The following BMS1 variants were observed in gnomAD, a reference collection of about 807,000 sequenced individuals.
BMS1 encodes ribosome biogenesis protein BMS1 homolog.
In BMS1, 53 loss-of-function variants were observed where a neutral mutation model predicts 138.7. The ratio of observed to expected loss-of-function variants is 0.38; its 90% CI spans 0.31 to 0.48. The LOEUF is 0.48. BMS1 is among the 20% of genes least tolerant of loss of function. The probability of loss-of-function intolerance (pLI) is 0.97; values close to 1 mark genes in which losing one functional copy is unlikely to be tolerated. For synonymous variants in BMS1, 504 were observed against 539.9 expected, an observed-to-expected ratio of 0.93 and a Z score of 0.92; for missense variants, 1,360 against 1,565.5, an observed-to-expected ratio of 0.87 and a Z score of 2.22.
chr10:42,813,536 C>A (rs975354811), intron 13 of BMS1, among the ~76,000 whole-genome samples: 7 of 152,066 alleles, frequency 4.6e-5, no homozygotes, highest in African/African-American at 1.7e-4. Context: ...ACCTTTTCCG[C>A]TTGTATGAAT....
intron 13 of BMS1, among the ~76,000 whole-genome samples, chr10:42,814,879 TGG>T (rs1842296851): frequency 6.6e-6 from 1 of 152,070 alleles, no homozygotes. Context: ...TCCTTTGATC[TGG>T]GGGGACTGAG....
chr10:42,791,529 C>G (rs962462964), intron 5 of BMS1, 98 bp from the exon 6 acceptor site: 2 of 1,226,546 alleles, frequency 1.6e-6, no homozygotes, highest in African/African-American at 3.1e-5. Flanking sequence ...TGGAAGTCTC[C>G]CTTCTTAGGA....
intron 1 of BMS1, among the ~76,000 whole-genome samples, chr10:42,783,155 G>T (rs1841209865): frequency 6.6e-6 from 1 of 152,026 alleles, no homozygotes; most frequent in Non-Finnish European, 1.5e-5. Flanking sequence ...AGAAAGACAG[G>T]GAGAGAAACA....
rs12269000 is a variant in BMS1 at position 42,817,548 on chromosome 10, G to T, written c.2580+54G>T. The T allele has an allele frequency of 7.2e-4, 1,099 of 1,532,226 alleles. 4 individuals carry two copies. The African/African-American group carries it at 0.014, about 19-fold the overall frequency. 94.9% of individuals were successfully genotyped at this position (1,532,226 alleles called of 1,614,324 possible). A position where few individuals can be genotyped will look rare whatever the true frequency, so the allele number is the denominator to read the frequency against. ...TTGTCAAGACTATCATATAGCGCAG[G>T]AATCCCTGACTTTGTTTGGGTCCCT... On this transcript the variant is annotated intron_variant, in intron 15 of 22. Coordinates refer to ENST00000374518, the MANE Select transcript of BMS1 (RefSeq NM_014753.4).
At position 42,826,722 on chromosome 10, in the gene BMS1, C is replaced by G. The variant is rs111323463; in HGVS notation, c.3456+2938C>G. ...GGGACGTGGGGGTGCCATGTTGGCTCATCCCTGGCAGGTGTGGCTGCTCAG... is the reference window on the plus strand; with the variant it reads ...GGGACGTGGGGGTGCCATGTTGGCTGATCCCTGGCAGGTGTGGCTGCTCAG... On this transcript the variant is annotated intron_variant, in intron 21 of 22. Transcript: ENST00000374518. Among the ~76,000 whole-genome samples, 866 of 152,332 alleles carry G rather than the reference C, an allele frequency of 5.7e-3. 10 individuals carry two copies. Among genetic ancestry groups the G allele is most frequent in the African/African-American group, 0.019 (798 of 41,584 alleles).
intron 12 of BMS1, among the ~76,000 whole-genome samples, chr10:42,799,409 T>G (rs1841801079): frequency 6.6e-6 from 1 of 152,192 alleles, no homozygotes; most frequent in African/African-American, 2.4e-5. Context: ...GCCAGCCCCT[T>G]TCTCTCTATT....
chr10:42,827,190 C>T (rs1402434655), intron 21 of BMS1, among the ~76,000 whole-genome samples: 2 of 152,306 alleles, frequency 1.3e-5, no homozygotes, highest in East Asian at 1.9e-4. Context: ...CTTGCATACA[C>T]CTGTTTCCCC....
At position 42,830,310 on chromosome 10, in the gene BMS1, C is replaced by G. The variant is rs758696339; in HGVS notation, c.3506C>G (p.Ala1169Gly). The G allele has an allele frequency of 6.2e-7, 1 of 1,613,848 alleles. No individual in the cohort carries two copies. The highest frequency in any genetic ancestry group is 1.1e-5 in the South Asian group (1 of 90,986). The change falls in exon 22 of 23, where the codon GCC (alanine) becomes GGC (glycine). Residue 1169 changes from alanine (A) to glycine (G), a missense_variant. By Grantham distance (60) the Ala-to-Gly change is moderately conservative (BLOSUM62 0). Transcript: ENST00000374518. ...TTTAATTCACTGCACATTCCAAAAG[C>G]CTTGCAGAAGGCCCTGCCATTTAAG... ...KHFNSLHIPK[A>G]LQKALPFKNK...
In BMS1 at chr10:42,793,060, T is replaced by G. The variant is rs766791964; in HGVS notation, c.1005T>G (p.Val335=). ...GTTTAAATGAGAAGGAGAAGCTGGT[T>G]TATGCGCCTCTTTCTGGAGTTGGGG... ...KRCLNEKEKL[V]YAPLSGVGGV... Residue 335 remains valine, a synonymous_variant, in exon 8 of 23, where the codon GTT becomes GTG. Coordinates refer to ENST00000374518, the MANE Select transcript of BMS1 (RefSeq NM_014753.4). 10 of 1,613,956 alleles carry G rather than the reference T, an allele frequency of 6.2e-6. No homozygotes were observed. Among genetic ancestry groups the G allele is most frequent in the Non-Finnish European group, 8.5e-6 (10 of 1,179,988 alleles).
At chr10:42,804,192 G>A (rs1342311773) in intron 13 of BMS1, among the ~76,000 whole-genome samples, 1 of 152,106 alleles carries the variant, frequency 6.6e-6, no homozygotes, top group Non-Finnish European at 1.5e-5. Context: ...TGCTATGAAT[G>A]TTTTTTAGAA....
At chr10:42,790,247 G>T in intron 4 of BMS1, 76 bp from the exon 5 acceptor site, 4 of 1,451,108 alleles carry the variant, frequency 2.8e-6, no homozygotes, top group Non-Finnish European at 3.8e-6. Flanking sequence ...GATTTTGCCC[G>T]TGGCCAGTTG....
chr10:42,802,784 ATATTT>A (rs1841909601), intron 13 of BMS1, among the ~76,000 whole-genome samples: 3 of 150,632 alleles, frequency 2.0e-5, no homozygotes, highest in African/African-American at 7.3e-5. Context: ...AAATTAAAAA[ATATTT>A]TATTTAAAAT....
At chr10:42,830,782 G>C (rs1842779529) in intron 22 of BMS1, 84 bp from the exon 23 acceptor site, 1 of 1,158,862 alleles carries the variant, frequency 8.6e-7, no homozygotes, top group African/African-American at 1.6e-5. Flanking sequence ...TTGGATCGTG[G>C]GTTGCCTCTA....
rs1315322346 is a variant in BMS1 at position 42,830,427 on chromosome 10, T to G, written c.3618+5T>G. 6.2e-7 allele frequency: 1 copy of G among 1,606,234 alleles called. No individual in the cohort carries two copies. The highest frequency in any genetic ancestry group is 1.7e-5 in the Admixed American group (1 of 57,222). The stretch of plus-strand genomic sequence containing the variant: ...CGCGAGCCTCATGAAAGAAAGGTAC[T>G]GTTGCCCATGCTGTACTGCACGCTG... On this transcript the variant is annotated splice_donor_5th_base_variant and intron_variant, in intron 22 of 22. Transcript: ENST00000374518.
rs754427394 is a variant in BMS1 at position 42,820,556 on chromosome 10, G to A, written c.2818G>A (p.Asp940Asn). ...GTATAAGAAAATCCTCAAGTCCCGAGATCCAATCATATTTTCTGTAGGGTG... is the reference window on the plus strand; with the variant it reads ...GTATAAGAAAATCCTCAAGTCCCGAAATCCAATCATATTTTCTGTAGGGTG... ...RWYKKILKSR[D>N]PIIFSVGWRR... The change falls in exon 17 of 23, where the codon GAT becomes AAT. Residue 940 changes from aspartate (D) to asparagine (N), a missense_variant. Physicochemically the swap from Asp to Asn is conservative, Grantham distance 23. Around this residue, in one of 3 missense-constraint regions of BMS1, gnomAD observed 425 missense variants for 568.3 expected, o/e 0.75. Coordinates refer to ENST00000374518, the MANE Select transcript of BMS1 (RefSeq NM_014753.4). The A allele has an allele frequency of 5.5e-5, 88 of 1,611,398 alleles. No individual in the cohort carries two copies. The highest frequency in any genetic ancestry group is 7.3e-5 in the Non-Finnish European group (86 of 1,179,748).
intron 21 of BMS1, among the ~76,000 whole-genome samples, chr10:42,829,355 A>G (rs1039871690): frequency 1.3e-5 from 2 of 152,122 alleles, no homozygotes; most frequent in Admixed American, 1.3e-4. Flanking sequence ...ATAGAATTTA[A>G]GATTACCTTG....
At chr10:42,793,535 T>C (rs530931114) in intron 8 of BMS1, among the ~76,000 whole-genome samples, 3 of 152,314 alleles carry the variant, frequency 2.0e-5, no homozygotes, top group East Asian at 3.9e-4. Flanking sequence ...TGTTCTGAAG[T>C]GGAATTTTAT....
Position 42,796,792 on chromosome 10 carries a change from G to A in BMS1, c.1548G>A (p.Gly516=), listed in dbSNP as rs756997489. The change falls in exon 10 of 23, where the codon GGG becomes GGA. Residue 516 remains glycine (G), a synonymous_variant. Coordinates refer to ENST00000374518, the MANE Select transcript of BMS1 (RefSeq NM_014753.4). ...DDLERSSAEE[G]EAEEADESSE... Reference sequence around the variant, plus strand: ...TTGAGAGGAGCTCAGCGGAAGAAGGGGAAGCGGAGGAAGCTGATGAAAGCA... The same window carrying A: ...TTGAGAGGAGCTCAGCGGAAGAAGGAGAAGCGGAGGAAGCTGATGAAAGCA... The A allele has an allele frequency of 6.8e-6, 11 of 1,614,226 alleles. No homozygotes were observed. Among genetic ancestry groups the A allele is most frequent in the Non-Finnish European group, 8.5e-6 (10 of 1,180,044 alleles).
At chr10:42,810,395 T>C (rs887516299) in intron 13 of BMS1, among the ~76,000 whole-genome samples, 3 of 152,214 alleles carry the variant, frequency 2.0e-5, no homozygotes, top group Non-Finnish European at 4.4e-5. Context: ...TAGTACTTTG[T>C]TGAGGACTTT....
Sources: allele counts gnomAD v4.1 joint callset (sites outside exome capture counted in the v4.1 genomes callset), GRCh38; gene constraint gnomAD v4.1.1; regional missense constraint gnomAD v4.1.1; transcripts MANE v1.5; gene names NCBI Gene and HGNC (gene_info 2026-07-23, HGNC 2026-07-21).